CDHR4: variants seen among roughly 807,000 people sequenced by gnomAD.
CDHR4 encodes the protein cadherin related family member 4, also known as cadherin-related family member 4.
Under a neutral mutation model 88.4 loss-of-function variants are expected in CDHR4, and 89 were observed. That is an observed-to-expected ratio of 1.01 (90% CI 0.85 to 1.20). The LOEUF is 1.20. Ranked by LOEUF, CDHR4 falls within the 50% of genes most tolerant of loss-of-function variation. The pLI is 0.00. For synonymous variants in CDHR4, 368 were observed against 399.2 expected (o/e 0.92, Z 0.93); for missense variants, 914 against 1,007.2 (o/e 0.91, Z 1.25).
Position 49,795,613 on chromosome 3 carries a change from C to A in CDHR4, c.847+15G>T, listed in dbSNP as rs1208171339. 1.0e-5 allele frequency: 16 copies of A among 1,551,554 alleles called. No individual in the cohort carries two copies. The Admixed American group carries it at 2.2e-4, about 21-fold the overall frequency. On this transcript the variant is annotated intron_variant, in intron 7 of 18. Transcript: ENST00000412678. The surrounding 1 kb of genome is among the most constrained non-coding windows in gnomAD (Gnocchi z 5.4). ...GGCATCCCAGTACCTGCCCCCACCC[C>A]CCAACACCTCTCACCACGACCAATG...
intron 5 of CDHR4, 102 bp downstream of exon 5, chr3:49,796,820 G>A: frequency 1.2e-6 from 1 of 844,784 alleles, no homozygotes; most frequent in South Asian, 1.6e-5. Context: ...GAGAGAGTCA[G>A]TATTAGTCAA....
chr3:49,798,904 A>G lies in CDHR4; in HGVS notation c.417T>C (p.Ile139=), dbSNP rs540026951. ...CAGGTGTGACTGTCTCTGGCACCTGAATCATTTCCCCAGCTGGCCAGAGTG... is the reference window on the plus strand; with the variant it reads ...CAGGTGTGACTGTCTCTGGCACCTGGATCATTTCCCCAGCTGGCCAGAGTG... ...GQFASPAGEM[I]QVPETVTPGA... is the part of the protein sequence containing the mutation. Residue 139 remains isoleucine (I), a synonymous_variant, in exon 4 of 19, where the codon ATT becomes ATC. Coordinates refer to ENST00000412678, the MANE Select transcript of CDHR4 (RefSeq NM_001007540.4). 2.5e-6 allele frequency: 4 copies of G among 1,613,572 alleles called. No homozygotes were observed. Among genetic ancestry groups the G allele is most frequent in the African/African-American group, 2.7e-5 (2 of 75,012 alleles).
Position 49,792,320 on chromosome 3 carries a change from C to T in CDHR4, c.2138+148G>A, listed in dbSNP as rs2081191364. 3.2e-5 allele frequency: 32 copies of T among 1,015,252 alleles called. No individual in the cohort carries two copies. In the South Asian group the frequency reaches 4.7e-4, roughly 15 times the overall value. 62.9% of individuals were successfully genotyped at this position (1,015,252 alleles called of 1,614,324 possible). ...GTCTCTCTGACCCTAATCTAAAGAC[C>T]TCTGGAGGGAGAGTAGCCCTCCTCA... On this transcript the variant is annotated intron_variant, in intron 15 of 18. Coordinates refer to ENST00000412678, the MANE Select transcript of CDHR4 (RefSeq NM_001007540.4).
chr3:49,791,629 G>C (rs902856443), intron 17 of CDHR4, 85 bp downstream of exon 17: 13 of 1,494,442 alleles, frequency 8.7e-6, no homozygotes, highest in African/African-American at 5.6e-5. Context: ...CGGAAAAGGG[G>C]CATGGGAAAA....
rs554682863 is a variant in CDHR4 at position 49,793,916 on chromosome 3, G to A, written c.1370C>T (p.Ala457Val). 5.0e-5 allele frequency: 78 copies of A among 1,551,758 alleles called. No homozygotes were observed. In the Admixed American group the frequency reaches 6.3e-4, roughly 12 times the overall value. ...PRTFRVQEDAAPHTLLGSVVG... is the reference protein window; with the variant it reads ...PRTFRVQEDAVPHTLLGSVVG... ...CACGGAGCCCAGTAGAGTGTGGGGC[G>A]CCGCATCCTCCTGAACCCGGAACGT... is the stretch of plus-strand genomic sequence containing the variant. Residue 457 changes from alanine (A) to valine (V), a missense_variant, in exon 11 of 19, where the codon GCG becomes GTG. Physicochemically the swap from Ala to Val is moderately conservative, Grantham distance 64 (BLOSUM62 0). Transcript: ENST00000412678.
chr3:49,793,000 G>A lies in CDHR4; in HGVS notation c.1849C>T (p.Pro617Ser). ...HSDLVLGPFWPEQPRTYELLI... is the reference protein window; with the variant it reads ...HSDLVLGPFWSEQPRTYELLI... The stretch of plus-strand genomic sequence containing the variant: ...AGCTCATAGGTACGGGGCTGCTCTG[G>A]CCAGAACGGCCCCAACACAAGGTCA... The change falls in exon 14 of 19, where the codon CCA (proline) becomes TCA (serine). Residue 617 changes from proline (P) to serine (S), a missense_variant. Coordinates refer to ENST00000412678, the MANE Select transcript of CDHR4 (RefSeq NM_001007540.4). 6.4e-7 allele frequency: 1 copy of A among 1,551,650 alleles called. No individual in the cohort carries two copies. Among genetic ancestry groups the A allele is most frequent in the Non-Finnish European group, 8.7e-7 (1 of 1,146,998 alleles).
chr3:49,791,736 G>A lies in CDHR4; in HGVS notation c.2261C>T (p.Ala754Val), dbSNP rs1356653792. 9 of 1,551,554 alleles carry A rather than the reference G, an allele frequency of 5.8e-6. No individual in the cohort carries two copies. The highest frequency in any genetic ancestry group is 1.4e-5 in the African/African-American group (1 of 73,036). The part of the protein sequence containing the change: ...LEAPKMEMSQ[A>V]PSSVMSLHFD... ...TACCAGACTCATGACACTGCTGGGT[G>A]CCTGGGACATCTCCATCTTCGGTGC... Residue 754 changes from alanine to valine, a missense_variant, in exon 17 of 19, where the codon GCA becomes GTA. Coordinates refer to ENST00000412678, the MANE Select transcript of CDHR4 (RefSeq NM_001007540.4).
intron 13 of CDHR4, 24 bp downstream of exon 13, chr3:49,793,136 AC>A (rs2081207837): frequency 1.3e-6 from 2 of 1,550,776 alleles, no homozygotes; most frequent in East Asian, 2.4e-5. Flanking sequence ...CTCACTCACA[AC>A]CTGGTGGTGC....
At chr3:49,794,828 A>G (rs6802890) in intron 9 of CDHR4, 119 bp downstream of exon 9, 670,916 of 1,438,360 alleles carry the variant, frequency 0.47, 161,457 homozygotes, top group African/African-American at 0.55. Flanking sequence ...ACTGCAACAC[A>G]GGTTGGCTCG....
upstream of CDHR4, among the ~76,000 whole-genome samples, chr3:49,802,134 C>T (rs569993281): frequency 6.7e-5 from 10 of 150,020 alleles, no homozygotes; most frequent in South Asian, 1.9e-3. Context: ...TCTCCTTCTT[C>T]TCCTTCTCCT....
chr3:49,791,682 T>C (rs1421714923), intron 17 of CDHR4, 32 bp downstream of exon 17: 2 of 1,549,768 alleles, frequency 1.3e-6, no homozygotes, highest in African/African-American at 2.7e-5. Context: ...GCACCCTTGG[T>C]GTCCACTACT....
chr3:49,802,136 C>T (rs537451177), upstream of CDHR4, among the ~76,000 whole-genome samples: 34 of 149,382 alleles, frequency 2.3e-4, no homozygotes, highest in Non-Finnish European at 1.5e-5. Flanking sequence ...TCCTTCTTCT[C>T]CTTCTCCTTC....
At chr3:49,799,920 C>T, upstream of CDHR4, 1 of 1,086,312 alleles carries the variant, frequency 9.2e-7, no homozygotes, top group Non-Finnish European at 1.4e-6. Context: ...GCAGGCGGGA[C>T]TCCTGGGCCT....
At chr3:49,791,868 G>T (rs1258407709) in intron 16 of CDHR4, 35 bp downstream of exon 16, 1 of 1,551,522 alleles carries the variant, frequency 6.4e-7, no homozygotes. Flanking sequence ...TAAGAGATGG[G>T]ATCCCAGGCA....
chr3:49,798,708 T>A (rs1283140080), intron 4 of CDHR4, 118 bp downstream of exon 4: 1 of 910,960 alleles, frequency 1.1e-6, no homozygotes, highest in Non-Finnish European at 1.7e-6. Flanking sequence ...TAGAGGCTCA[T>A]CTATGCCTCT....
chr3:49,793,370 G>T, intron 12 of CDHR4, 59 bp from the exon 13 acceptor site: 1 of 1,523,498 alleles, frequency 6.6e-7, no homozygotes. Context: ...CTCTGAGCCA[G>T]CCCCTCAACT....
rs79201191 is a variant in CDHR4 at position 49,791,801 on chromosome 3, G to C, written c.2196C>G (p.Ser732Arg). The C allele has an allele frequency of 4.4e-5, 69 of 1,551,726 alleles. No homozygotes were observed. In the East Asian group the frequency reaches 1.1e-3, roughly 25 times the overall value. Residue 732 changes from serine (S) to arginine (R), a missense_variant and splice_region_variant, in exon 17 of 19, where the codon AGC (serine) becomes AGG (arginine). Coordinates refer to ENST00000412678, the MANE Select transcript of CDHR4 (RefSeq NM_001007540.4). ...CGATGGATCCCTCAGTTCCCTGGAT[G>C]CTGGGGCAAAGTACGAGCAAGAGTA... is the stretch of plus-strand genomic sequence containing the variant. Reference protein sequence around the residue: ...SKPAQALLLNSIQGTEGSIEG... With the variant: ...SKPAQALLLNRIQGTEGSIEG...
intron 5 of CDHR4, 52 bp from the exon 6 acceptor site, chr3:49,796,098 T>C (rs2081268121): frequency 7.4e-7 from 1 of 1,346,330 alleles, no homozygotes; most frequent in African/African-American, 1.5e-5. Flanking sequence ...GTCCACCTCT[T>C]TGTCTATGCC....
chr3:49,792,725 G>T lies in CDHR4; in HGVS notation c.1996-115C>A, dbSNP rs2081199866. On this transcript the variant is annotated intron_variant, in intron 14 of 18. Transcript: ENST00000412678. Reference sequence around the variant, plus strand: ...CACCCATGATTTGCTCTTCAACACTGCTGGGCTCTCCGCACTCTGCGCTTC... The same window carrying T: ...CACCCATGATTTGCTCTTCAACACTTCTGGGCTCTCCGCACTCTGCGCTTC... 4.1e-6 allele frequency: 6 copies of T among 1,473,872 alleles called. No homozygotes were observed. The East Asian group carries it at 1.5e-4, about 36-fold the overall frequency. The allele number at this position is 1,473,872 out of a possible 1,614,324, so 91.3% of individuals were successfully genotyped here.
Sources: allele counts gnomAD v4.1 joint callset (sites outside exome capture counted in the v4.1 genomes callset), GRCh38; gene constraint gnomAD v4.1.1; non-coding constraint Gnocchi (gnomAD v3.1); transcripts MANE v1.5; gene names NCBI Gene and HGNC (gene_info 2026-07-23, HGNC 2026-07-21).